Variants in MUSK observed in about 807,000 individuals in gnomAD.
The protein encoded by MUSK is muscle associated receptor tyrosine kinase, also known as muscle, skeletal receptor tyrosine-protein kinase.
MUSK carries 55 observed loss-of-function variants against 88.7 expected under a neutral mutation model. The ratio of observed to expected loss-of-function variants is 0.62; its 90% confidence interval spans 0.50 to 0.78. The LOEUF (loss-of-function observed/expected upper bound fraction) is 0.78, where lower values mean the gene tolerates loss of function less well. MUSK is among the 30% of genes least tolerant of loss of function. The pLI is 0.00. For synonymous variants in MUSK, 387 were observed against 391.9 expected (o/e 0.99, Z 0.15); for missense variants, 1,015 against 1,074.3 (o/e 0.94, Z 0.77).
At chr9:110,740,984 G>T (rs1423570707) in intron 6 of MUSK, among the ~76,000 whole-genome samples, 1 of 152,142 alleles carries the variant, frequency 6.6e-6, no homozygotes, top group Non-Finnish European at 1.5e-5. Context: ...TGTCAGGGAT[G>T]GGAGGATGGG....
chr9:110,751,563 G>T (rs908638485), intron 7 of MUSK, among the ~76,000 whole-genome samples: 1 of 152,212 alleles, frequency 6.6e-6, no homozygotes, highest in African/African-American at 2.4e-5. Flanking sequence ...ATGAAGAGCA[G>T]TTATCTCTGT....
chr9:110,689,773 C>CTAT lies in MUSK; in HGVS notation c.358+2505_358+2506insTAT, dbSNP rs1564218225. Among the ~76,000 whole-genome samples, 255 of 74,798 alleles carry CTAT rather than the reference C, an allele frequency of 3.4e-3. 14 individuals are homozygous for CTAT. Among genetic ancestry groups the CTAT allele is most frequent in the South Asian group, 0.011 (25 of 2,200 alleles). The allele number at this position is 74,798 out of a possible 152,430, so 49.1% of individuals were successfully genotyped here. A position where few individuals can be genotyped will look rare whatever the true frequency, so the allele number is the denominator to read the frequency against. ...TATTATATATAAACTATATATATCA[C>CTAT]ATATAGTTTATATATTTTTTAATAT... On this transcript the variant is annotated intron_variant, in intron 3 of 14. Coordinates refer to ENST00000374448, the MANE Select transcript of MUSK (RefSeq NM_005592.4).
rs1405801974 is a variant in MUSK at position 110,701,926 on chromosome 9, T to G, written c.628+4460T>G. 3.5e-5 allele frequency among the ~76,000 whole-genome samples: 5 copies of G among 141,078 alleles called. 1 individual carries two copies. Among genetic ancestry groups the G allele is most frequent in the South Asian group, 2.2e-4 (1 of 4,572 alleles). The allele number at this position is 141,078 out of a possible 152,430, so 92.6% of individuals were successfully genotyped here. A position where few individuals can be genotyped will look rare whatever the true frequency, so the allele number is the denominator to read the frequency against. On this transcript the variant is annotated intron_variant, in intron 5 of 14. Transcript: ENST00000374448. ...TTTATTTTATTTTATTTTATTTTAT[T>G]TCATAGAGACAGGGTCTTGCTATGT... is the stretch of plus-strand genomic sequence containing the variant.
intron 1 of MUSK, among the ~76,000 whole-genome samples, chr9:110,676,349 T>TAATATATAATATATAA (rs1194908438): frequency 1.4e-5 from 2 of 139,202 alleles, no homozygotes; most frequent in South Asian, 2.3e-4. Context: ...CACACATATA[T>TAATATATAATATATAA]TATATATTAT....
chr9:110,788,274 A>C (rs2077908709), intron 14 of MUSK, among the ~76,000 whole-genome samples: 1 of 152,152 alleles, frequency 6.6e-6, no homozygotes, highest in Non-Finnish European at 1.5e-5. Context: ...TCATAAATTC[A>C]ACACAAATTT....
At chr9:110,724,004 G>A (rs1457054303) in intron 5 of MUSK, among the ~76,000 whole-genome samples, 1 of 151,952 alleles carries the variant, frequency 6.6e-6, no homozygotes, top group African/African-American at 2.4e-5. Context: ...CCTCAGGGCT[G>A]TATGATGGCT....
intron 3 of MUSK, among the ~76,000 whole-genome samples, chr9:110,690,198 A>ATATATAAATATATATTTAAG (rs1564219365): frequency 1.6e-4 from 11 of 66,900 alleles, no homozygotes; most frequent in African/African-American, 6.2e-4. Flanking sequence ...GTATATATAA[A>ATATATAAATATATATTTAAG]TATATATAAA....
chr9:110,674,690 C>T (rs2076002539), intron 1 of MUSK, among the ~76,000 whole-genome samples: 1 of 152,080 alleles, frequency 6.6e-6, no homozygotes, highest in Non-Finnish European at 1.5e-5. Context: ...CTCACTGAAA[C>T]TTTGAACTCC....
chr9:110,786,051 C>A (rs2077854792), intron 13 of MUSK, among the ~76,000 whole-genome samples: 1 of 150,532 alleles, frequency 6.6e-6, no homozygotes, highest in Non-Finnish European at 1.5e-5. Context: ...GTGGCTCGTG[C>A]CTGTAATCCC....
chr9:110,705,839 T>A (rs755017200), intron 5 of MUSK, among the ~76,000 whole-genome samples: 25 of 152,318 alleles, frequency 1.6e-4, no homozygotes, highest in Admixed American at 3.9e-4. Context: ...GGCCCCCATG[T>A]GCCAAAGGGC....
intron 5 of MUSK, chr9:110,728,662 T>G: frequency 6.8e-7 from 1 of 1,474,270 alleles, no homozygotes; most frequent in Non-Finnish European, 9.3e-7. Flanking sequence ...TTGTGTGTGT[T>G]TGTTTTGTCT....
At chr9:110,800,205 A>T in intron 14 of MUSK, 101 bp from the exon 15 acceptor site, 3 of 1,039,950 alleles carry the variant, frequency 2.9e-6, no homozygotes, top group Non-Finnish European at 1.4e-6. Context: ...AACAAAAAAC[A>T]GGGCTTCATA....
At chr9:110,771,592 T>C (rs1196496286) in intron 9 of MUSK, among the ~76,000 whole-genome samples, 1 of 152,210 alleles carries the variant, frequency 6.6e-6, no homozygotes, top group East Asian at 1.9e-4. Flanking sequence ...TTGTTCCTTT[T>C]CATTGCAGCT....
intron 8 of MUSK, among the ~76,000 whole-genome samples, chr9:110,763,257 G>A (rs2077427910): frequency 6.7e-6 from 1 of 148,744 alleles, no homozygotes; most frequent in Admixed American, 6.6e-5. Flanking sequence ...TGTCATAATT[G>A]ACTGCATTCC....
chr9:110,689,700 T>C (rs1587903985), intron 3 of MUSK, among the ~76,000 whole-genome samples: 1 of 48,928 alleles, frequency 2.0e-5, no homozygotes, highest in African/African-American at 1.6e-4. Flanking sequence ...TAGTTATATA[T>C]AAATATATAA....
intron 7 of MUSK, among the ~76,000 whole-genome samples, chr9:110,753,446 GAA>G (rs112218169): frequency 0.024 from 2,957 of 124,710 alleles, 79 homozygotes; most frequent in African/African-American, 0.072. Context: ...TCTCAAAAAG[GAA>G]AAAAAAAAAA....
intron 1 of MUSK, among the ~76,000 whole-genome samples, chr9:110,673,151 A>G (rs1457599847): frequency 6.6e-6 from 1 of 152,210 alleles, no homozygotes; most frequent in Non-Finnish European, 1.5e-5. Context: ...AACTGGAAAT[A>G]TGGACAATGT....
At chr9:110,771,145 T>C (rs2077566585) in intron 9 of MUSK, among the ~76,000 whole-genome samples, 1 of 150,106 alleles carries the variant, frequency 6.7e-6, no homozygotes, top group Non-Finnish European at 1.5e-5. Flanking sequence ...TAAATTTCTC[T>C]TATGCTCATT....
chr9:110,706,873 G>A (rs1420481008), intron 5 of MUSK, among the ~76,000 whole-genome samples: 1 of 152,040 alleles, frequency 6.6e-6, no homozygotes, highest in Non-Finnish European at 1.5e-5. Flanking sequence ...GCATGGTGGT[G>A]CACACCTGTA....
Sources: gnomAD v4.1 joint callset for allele counts (sites outside exome capture counted in the v4.1 genomes callset) on GRCh38, gnomAD v4.1.1 for gene constraint, MANE v1.5 for transcripts, NCBI Gene and HGNC (gene_info 2026-07-23, HGNC 2026-07-21) for gene names.